AK5: variants seen among roughly 807,000 people sequenced by gnomAD.
AK5 encodes the protein adenylate kinase isoenzyme 5.
A neutral mutation model predicts 69.5 loss-of-function variants in AK5; 27 were observed. That is an observed-to-expected ratio of 0.39 (90% CI 0.29 to 0.54). The LOEUF (loss-of-function observed/expected upper bound fraction) is 0.54, where lower values mean the gene tolerates loss of function less well. AK5 is among the 20% of genes least tolerant of loss of function. AK5 has a pLI of 0.71. For missense variants in AK5, 531 were observed against 700.4 expected, an observed-to-expected ratio of 0.76 and a Z score of 2.73; for synonymous variants, 260 against 244.4, an observed-to-expected ratio of 1.06 and a Z score of -0.60.
intron 8 of AK5, 37 bp downstream of exon 8, chr1:77,417,752 T>C (rs1365735898): frequency 1.0e-5 from 13 of 1,301,472 alleles, no homozygotes; most frequent in Non-Finnish European, 1.4e-5. Context: ...TATTTAAATG[T>C]TTTTAAGTTG....
At chr1:77,544,536 CT>C (rs568631524) in intron 13 of AK5, among the ~76,000 whole-genome samples, 68 of 144,562 alleles carry the variant, frequency 4.7e-4, no homozygotes, top group South Asian at 2.9e-3. Flanking sequence ...TAAAAAAAGT[CT>C]TTTTTTTTTT....
intron 13 of AK5, among the ~76,000 whole-genome samples, chr1:77,546,948 G>A (rs536370214): frequency 2.6e-5 from 4 of 152,324 alleles, no homozygotes; most frequent in South Asian, 2.1e-4. Context: ...ACGTGAAAGC[G>A]CCAGGAATGC....
At chr1:77,299,696 G>A (rs1000988613) in intron 5 of AK5, among the ~76,000 whole-genome samples, 10 of 152,140 alleles carry the variant, frequency 6.6e-5, no homozygotes, top group African/African-American at 2.2e-4. Flanking sequence ...TTGAAAGCGG[G>A]TGCTATGGCA....
rs1434270247 is a variant in AK5 at position 77,349,724 on chromosome 1, TGAA to T, written c.891+9160_891+9162del. 3.3e-5 allele frequency: 5 copies of T among 152,192 alleles called. No homozygotes were observed. The East Asian group carries it at 9.6e-4, about 29-fold the overall frequency. The allele number at this position is 152,192 out of a possible 1,614,324, so 9.4% of individuals were successfully genotyped here. ...AAATTGATTAAGCACACATTAGAAGTGAAGAAATTATACTACAAATGGCCAATT... is the reference window on the plus strand; with the variant it reads ...AAATTGATTAAGCACACATTAGAAGTGAAATTATACTACAAATGGCCAATT... On this transcript the variant is annotated intron_variant, in intron 6 of 13. Coordinates refer to ENST00000354567, the MANE Select transcript of AK5 (RefSeq NM_174858.3).
intron 12 of AK5, among the ~76,000 whole-genome samples, chr1:77,531,703 C>T (rs950732249): frequency 6.6e-6 from 1 of 152,200 alleles, no homozygotes; most frequent in Non-Finnish European, 1.5e-5. Context: ...CTGGCTTCAC[C>T]CAGTGGATCC....
chr1:77,356,580 T>C (rs1207436181), intron 6 of AK5, among the ~76,000 whole-genome samples: 1 of 152,146 alleles, frequency 6.6e-6, no homozygotes, highest in Non-Finnish European at 1.5e-5. Context: ...GAAAACTGAA[T>C]CTCATAATGC....
chr1:77,518,694 A>G lies in AK5; in HGVS notation c.1278A>G (p.Arg426=), dbSNP rs141264115. The change falls in exon 11 of 14, where the codon AGA becomes AGG. Residue 426 remains arginine, a synonymous_variant. Coordinates refer to ENST00000354567, the MANE Select transcript of AK5 (RefSeq NM_174858.3). ...ASESERSKLI[R]DIMERGDLVP... ...AATCTGAAAGAAGCAAATTGATCAG[A>G]GACATTATGGAACGTGGAGACCTGG... 7.4e-6 allele frequency: 12 copies of G among 1,614,114 alleles called. No individual in the cohort carries two copies. The highest frequency in any genetic ancestry group is 5.3e-5 in the African/African-American group (4 of 74,944).
chr1:77,455,843 T>G (rs1445134167), intron 8 of AK5, among the ~76,000 whole-genome samples: 2 of 152,124 alleles, frequency 1.3e-5, no homozygotes, highest in East Asian at 3.9e-4. Context: ...CCCAGGTGAT[T>G]GTAATGTGTG....
chr1:77,335,616 A>C (rs1444857713), intron 5 of AK5, among the ~76,000 whole-genome samples: 1 of 152,106 alleles, frequency 6.6e-6, no homozygotes, highest in African/African-American at 2.4e-5. Context: ...ATTTAAGTAT[A>C]TTTTCCCTTT....
chr1:77,310,712 A>G (rs2100291296), intron 5 of AK5, among the ~76,000 whole-genome samples: 1 of 152,184 alleles, frequency 6.6e-6, no homozygotes, highest in South Asian at 2.1e-4. Context: ...ATGCCTATAC[A>G]TTTATTCTTC....
At chr1:77,460,396 C>A (rs1313961779) in intron 8 of AK5, among the ~76,000 whole-genome samples, 1 of 152,212 alleles carries the variant, frequency 6.6e-6, no homozygotes, top group Non-Finnish European at 1.5e-5. Flanking sequence ...TCAAACAGAT[C>A]TGCTATTGAA....
At chr1:77,488,959 T>G (rs1188403472) in intron 10 of AK5, among the ~76,000 whole-genome samples, 1 of 152,222 alleles carries the variant, frequency 6.6e-6, no homozygotes, top group Admixed American at 6.5e-5. Context: ...ATCTGTGTTT[T>G]TAATAATGTG....
At chr1:77,513,333 G>A (rs1042903439) in intron 10 of AK5, among the ~76,000 whole-genome samples, 22 of 152,150 alleles carry the variant, frequency 1.4e-4, no homozygotes, top group African/African-American at 5.3e-4. Flanking sequence ...ACACTGCTGT[G>A]ATGATGGTTC....
chr1:77,282,455 C>A, intron 1 of AK5, 82 bp downstream of exon 1: 1 of 1,472,942 alleles, frequency 6.8e-7, no homozygotes, highest in South Asian at 1.4e-5. Flanking sequence ...GCGCCCCGTC[C>A]CACCTTCCCC....
chr1:77,456,747 G>A (rs1653509448), intron 8 of AK5, among the ~76,000 whole-genome samples: 1 of 152,086 alleles, frequency 6.6e-6, no homozygotes, highest in Admixed American at 6.5e-5. Context: ...GACGTGCAGG[G>A]CATCACTGAA....
At chr1:77,426,008 G>T (rs1651183720) in intron 8 of AK5, among the ~76,000 whole-genome samples, 1 of 152,184 alleles carries the variant, frequency 6.6e-6, no homozygotes, top group Admixed American at 6.5e-5. Context: ...GAGAGAAAAA[G>T]ACTCATAATG....
At chr1:77,401,711 C>T (rs998523853) in intron 6 of AK5, among the ~76,000 whole-genome samples, 22 of 152,162 alleles carry the variant, frequency 1.4e-4, no homozygotes, top group African/African-American at 3.4e-4. Context: ...AAAACAAAAA[C>T]TCATTTCCGC....
intron 10 of AK5, among the ~76,000 whole-genome samples, chr1:77,512,287 G>C (rs1482706151): frequency 1.3e-5 from 2 of 152,152 alleles, no homozygotes; most frequent in Non-Finnish European, 2.9e-5. Flanking sequence ...GCACACACGG[G>C]TATATCTTAA....
intron 6 of AK5, among the ~76,000 whole-genome samples, chr1:77,373,224 T>A (rs944989882): frequency 2.0e-5 from 3 of 152,240 alleles, no homozygotes; most frequent in Non-Finnish European, 2.9e-5. Flanking sequence ...AAAAAAAATA[T>A]TTTACATTTG....
Sources: allele counts gnomAD v4.1 joint callset (sites outside exome capture counted in the v4.1 genomes callset), GRCh38; gene constraint gnomAD v4.1.1; transcripts MANE v1.5; gene names NCBI Gene and HGNC (gene_info 2026-07-23, HGNC 2026-07-21).